Variants in ESR1 observed in about 807,000 individuals in gnomAD.
The protein encoded by ESR1 is estrogen receptor 1, also known as estrogen receptor.
Under a neutral mutation model 52.7 loss-of-function variants are expected in ESR1, and 12 were observed. The ratio of observed to expected loss-of-function variants is 0.23; its 90% CI spans 0.15 to 0.37. The LOEUF is 0.37. Among genes scored for constraint, ESR1 ranks in the 10% least tolerant of loss-of-function variants. ESR1 has a pLI of 1.00. For missense variants in ESR1, 584 were observed against 779.7 expected, an observed-to-expected ratio of 0.75 and a Z score of 2.99; for synonymous variants, 305 against 316.8, an observed-to-expected ratio of 0.96 and a Z score of 0.39.
chr6:151,885,543 A>G (rs1346053248), intron 3 of ESR1, among the ~76,000 whole-genome samples: 1 of 152,220 alleles, frequency 6.6e-6, no homozygotes, highest in Admixed American at 6.5e-5. Context: ...TATGAGCTTC[A>G]CTAATTTCAA....
intron 2 of ESR1, among the ~76,000 whole-genome samples, chr6:151,877,380 A>G (rs754281869): frequency 4.6e-5 from 7 of 152,210 alleles, no homozygotes; most frequent in Non-Finnish European, 1.0e-4. Context: ...AGTTGTTAAT[A>G]GTGTTTGGTT....
At chr6:152,113,695 C>T (rs1281582270) in intron 6 of ESR1, among the ~76,000 whole-genome samples, 1 of 152,176 alleles carries the variant, frequency 6.6e-6, no homozygotes, top group Non-Finnish European at 1.5e-5. Context: ...GTGGGAAGAT[C>T]TGGTAATTCC....
At chr6:151,680,534 A>C (rs1346879795) in intron 1 of ESR1, among the ~76,000 whole-genome samples, 1 of 152,106 alleles carries the variant, frequency 6.6e-6, no homozygotes, top group African/African-American at 2.4e-5. Flanking sequence ...CTCATGTAGC[A>C]GAAAGAGATC....
At chr6:152,066,744 C>T (rs1338035128) in intron 6 of ESR1, among the ~76,000 whole-genome samples, 2 of 152,174 alleles carry the variant, frequency 1.3e-5, no homozygotes, top group African/African-American at 4.8e-5. Flanking sequence ...CTGTTAGTTT[C>T]CTGACAACAT....
chr6:151,964,678 G>A (rs1324058116), intron 4 of ESR1, among the ~76,000 whole-genome samples: 2 of 148,284 alleles, frequency 1.3e-5, no homozygotes, highest in African/African-American at 2.5e-5. Context: ...GTCTCACTCT[G>A]TCACCCAGGT....
At chr6:151,856,362 C>A (rs183390142) in intron 2 of ESR1, among the ~76,000 whole-genome samples, 16 of 152,198 alleles carry the variant, frequency 1.1e-4, no homozygotes, top group Admixed American at 1.0e-3. Context: ...TTGCAACTTT[C>A]TTGATTTTCT....
At chr6:151,731,568 A>T (rs1259175230) in intron 2 of ESR1, among the ~76,000 whole-genome samples, 3 of 152,116 alleles carry the variant, frequency 2.0e-5, no homozygotes, top group East Asian at 3.9e-4. Context: ...TCAGCTCCCA[A>T]CAAAGCCTTT....
At chr6:151,823,468 G>A (rs540029463) in intron 1 of ESR1, among the ~76,000 whole-genome samples, 4 of 151,844 alleles carry the variant, frequency 2.6e-5, no homozygotes, top group Admixed American at 6.6e-5. Context: ...TTTTGTTTTT[G>A]TTTTTCTTTT....
intron 4 of ESR1, among the ~76,000 whole-genome samples, chr6:152,003,678 A>G (rs1339670744): frequency 6.6e-6 from 1 of 151,956 alleles, no homozygotes; most frequent in African/African-American, 2.4e-5. Flanking sequence ...TTGGTGAGAA[A>G]TTTGCCAAAG....
chr6:151,935,413 G>A (rs2034241239), intron 3 of ESR1, among the ~76,000 whole-genome samples: 1 of 152,206 alleles, frequency 6.6e-6, no homozygotes, highest in African/African-American at 2.4e-5. Context: ...TGCCTTGGGG[G>A]CAGCCTGGCA....
At chr6:152,056,199 A>G (rs1259745166) in intron 5 of ESR1, among the ~76,000 whole-genome samples, 1 of 152,232 alleles carries the variant, frequency 6.6e-6, no homozygotes, top group Non-Finnish European at 1.5e-5. Flanking sequence ...TCTTGATCAT[A>G]TAAATATTTA....
intron 6 of ESR1, among the ~76,000 whole-genome samples, chr6:152,113,574 T>TTGTGTGTGTG (rs149373494): frequency 7.4e-5 from 11 of 149,224 alleles, no homozygotes; most frequent in African/African-American, 2.5e-4. Context: ...AGATCTCATA[T>TTGTGTGTGTG]TGTGTGTGTG....
intron 2 of ESR1, among the ~76,000 whole-genome samples, chr6:151,714,606 T>C (rs1032913200): frequency 1.3e-5 from 2 of 152,140 alleles, no homozygotes; most frequent in African/African-American, 4.8e-5. Flanking sequence ...TTCTTTGTCT[T>C]TTTTGATCTT....
chr6:152,012,565 C>T (rs985115375), intron 5 of ESR1, among the ~76,000 whole-genome samples: 1 of 152,080 alleles, frequency 6.6e-6, no homozygotes, highest in African/African-American at 2.4e-5. Context: ...CTGCTACTTG[C>T]AAAAAGAGGA....
At chr6:151,698,712 G>A (rs1025362724) in intron 1 of ESR1, among the ~76,000 whole-genome samples, 3 of 152,078 alleles carry the variant, frequency 2.0e-5, no homozygotes, top group African/African-American at 7.2e-5. Context: ...AGGGAAAAAG[G>A]CCAAACCCAC....
At chr6:152,127,713 G>A (rs2053996921) in exon 7 of ESR1, 1 of 152,154 alleles carries the variant, frequency 6.6e-6, no homozygotes, top group Non-Finnish European at 1.5e-5. Context: ...GAGAGGCTCT[G>A]TGCTGAGGCT....
chr6:151,876,203 C>T (rs904878721), intron 2 of ESR1, among the ~76,000 whole-genome samples: 19 of 152,208 alleles, frequency 1.2e-4, no homozygotes, highest in African/African-American at 2.9e-4. Context: ...TCAGGCTTCA[C>T]GTGCAGACAT....
intron 4 of ESR1, among the ~76,000 whole-genome samples, chr6:151,996,075 T>A (rs980943227): frequency 7.2e-5 from 11 of 152,174 alleles, no homozygotes; most frequent in African/African-American, 2.4e-4. Context: ...CACTGCCATT[T>A]CATTTGAGCA....
chr6:151,668,883 T>C (rs1777921575), intron 1 of ESR1, among the ~76,000 whole-genome samples: 1 of 151,820 alleles, frequency 6.6e-6, no homozygotes, highest in Non-Finnish European at 1.5e-5. Flanking sequence ...CACTTAGAGA[T>C]TGGGGGTGCC....
Sources: gnomAD v4.1 joint callset for allele counts (sites outside exome capture counted in the v4.1 genomes callset) on GRCh38, gnomAD v4.1.1 for gene constraint, MANE v1.5 for transcripts, NCBI Gene and HGNC (gene_info 2026-07-23, HGNC 2026-07-21) for gene names.